The following MAMLD1 variants were observed in gnomAD, a reference collection of about 807,000 sequenced individuals.
MAMLD1 encodes mastermind like domain containing 1.
Under a neutral mutation model 45.0 loss-of-function variants are expected in MAMLD1, and 14 were observed. The ratio of observed to expected loss-of-function variants is 0.31; its 90% CI spans 0.21 to 0.49. The LOEUF (loss-of-function observed/expected upper bound fraction) is 0.49, where lower values mean the gene tolerates loss of function less well. Among genes scored for constraint, MAMLD1 ranks in the 20% least tolerant of loss-of-function variants. MAMLD1 has a pLI of 0.99. For synonymous variants in MAMLD1, 254 were observed against 247.8 expected (o/e 1.02, Z -0.24); for missense variants, 543 against 603.6 (o/e 0.90, Z 1.05).
At chrX:150,478,120 C>G (rs144796709) in intron 5 of MAMLD1, among the ~76,000 whole-genome samples, 1 of 112,346 alleles carries the variant, frequency 8.9e-6, no homozygotes, top group East Asian at 2.8e-4. Context: ...CCTTTAATTA[C>G]TGCTGTCTCA....
At chrX:150,399,633 G>C (rs1029522045) in intron 1 of MAMLD1, among the ~76,000 whole-genome samples, 4 of 111,289 alleles carry the variant, frequency 3.6e-5, no homozygotes, top group African/African-American at 1.3e-4. Context: ...GACAGAGGGA[G>C]AGATAGGAGT....
At chrX:150,416,849 CAT>C (rs1365315605) in intron 1 of MAMLD1, among the ~76,000 whole-genome samples, 1 of 112,091 alleles carries the variant, frequency 8.9e-6, no homozygotes, top group Non-Finnish European at 1.9e-5. Context: ...ATTTTCTTCA[CAT>C]GAGATGGGAT....
Position 150,512,875 on chromosome X carries a change from A to G in MAMLD1, c.*916A>G, listed in dbSNP as rs1557409293. 8.7e-7 allele frequency: 1 copy of G among 1,155,234 alleles called. No homozygotes were observed. The highest frequency in any genetic ancestry group is 1.1e-6 in the Non-Finnish European group (1 of 872,498). ...TTTTGCGCCAGCCCCAACCCCCACT[A>G]AATGATCTGATTTCGTCACCTGACT... On this transcript the variant is annotated 3_prime_UTR_variant, in exon 8 of 8. Transcript: ENST00000370401.
intron 1 of MAMLD1, among the ~76,000 whole-genome samples, chrX:150,403,876 A>G (rs187797706): frequency 0.011 from 910 of 85,578 alleles, 13 homozygotes; most frequent in Non-Finnish European, 0.019. Flanking sequence ...AGAAGAAAGA[A>G]AGGAAAGAAA....
At chrX:150,501,696 C>T (rs2037558976) in intron 5 of MAMLD1, among the ~76,000 whole-genome samples, 1 of 112,554 alleles carries the variant, frequency 8.9e-6, no homozygotes, top group South Asian at 3.7e-4. Context: ...TCTTCTTATT[C>T]CCATTTTTAA....
chrX:150,468,185 T>C (rs1602921349), intron 3 of MAMLD1, among the ~76,000 whole-genome samples: 2 of 111,798 alleles, frequency 1.8e-5, no homozygotes, highest in Non-Finnish European at 3.8e-5. Flanking sequence ...GGAATGTGGA[T>C]GTTTCTAAGT....
intron 1 of MAMLD1, among the ~76,000 whole-genome samples, chrX:150,403,993 A>G (rs1047473197): frequency 2.1e-5 from 2 of 94,738 alleles, no homozygotes; most frequent in African/African-American, 8.1e-5. Context: ...AGAAAGAAAG[A>G]AAGAAGAAAG....
At chrX:150,483,736 G>A (rs2036895539) in intron 5 of MAMLD1, among the ~76,000 whole-genome samples, 1 of 110,718 alleles carries the variant, frequency 9.0e-6, no homozygotes, top group Non-Finnish European at 1.9e-5. Flanking sequence ...ACCGCCAGTG[G>A]TAATTTGTCC....
At chrX:150,496,012 C>G (rs1603014889) in intron 5 of MAMLD1, among the ~76,000 whole-genome samples, 1 of 109,124 alleles carries the variant, frequency 9.2e-6, no homozygotes, top group Admixed American at 1.0e-4. Context: ...AAACAAAACA[C>G]AAACTCTTAC....
intron 5 of MAMLD1, among the ~76,000 whole-genome samples, chrX:150,499,871 C>A (rs2037499509): frequency 1.8e-5 from 2 of 111,292 alleles, no homozygotes; most frequent in South Asian, 7.5e-4. Flanking sequence ...ATAAACCCAC[C>A]AGCATTGAAA....
At chrX:150,473,908 T>C in intron 5 of MAMLD1, 106 bp downstream of exon 5, 1 of 889,491 alleles carries the variant, frequency 1.1e-6, no homozygotes, top group Non-Finnish European at 1.6e-6. Context: ...TTCTTAATTA[T>C]TGGGGTCATG....
At chrX:150,456,861 G>A (rs1445658973) in intron 2 of MAMLD1, among the ~76,000 whole-genome samples, 1 of 112,572 alleles carries the variant, frequency 8.9e-6, no homozygotes, top group East Asian at 2.8e-4. Flanking sequence ...AGGCAGAAGA[G>A]TGGGTGCAGC....
At chrX:150,428,965 G>A (rs1557403919) in intron 1 of MAMLD1, among the ~76,000 whole-genome samples, 1 of 111,730 alleles carries the variant, frequency 9.0e-6, no homozygotes, top group African/African-American at 3.3e-5. Flanking sequence ...GTCTTTGAAA[G>A]CCAAAGCAGC....
intron 5 of MAMLD1, 83 bp downstream of exon 5, chrX:150,473,885 C>T (rs1321413531): frequency 8.3e-5 from 84 of 1,011,564 alleles, no homozygotes; most frequent in Non-Finnish European, 1.0e-4. Context: ...GATCAGCTGG[C>T]TCAGAGGGAG....
chrX:150,467,099 G>A (rs918160656), intron 3 of MAMLD1, among the ~76,000 whole-genome samples: 1 of 107,609 alleles, frequency 9.3e-6, no homozygotes, highest in African/African-American at 3.4e-5. Flanking sequence ...CCTGACTGTT[G>A]CCAGCTCAGA....
intron 1 of MAMLD1, among the ~76,000 whole-genome samples, chrX:150,371,474 C>A (rs1375993248): frequency 9.0e-6 from 1 of 110,960 alleles, no homozygotes; most frequent in Non-Finnish European, 1.9e-5. Context: ...TCATTGGAGG[C>A]CACAGCACCT....
intron 1 of MAMLD1, among the ~76,000 whole-genome samples, chrX:150,395,922 T>C (rs1198434088): frequency 2.7e-5 from 3 of 110,623 alleles, no homozygotes; most frequent in East Asian, 2.8e-4. Context: ...CTGTTTTTAA[T>C]TTCTGCTCTA....
rs1308208247 is a variant in MAMLD1, at chrX:150,368,246, G to A, written c.-64+4716G>A. On this transcript the variant is annotated intron_variant, in intron 1 of 7. Transcript: ENST00000370401. Reference sequence around the variant, plus strand: ...GTTGTTTCCTGACTTTTTAATGATCGCCATTCTAACTGGTGTGAGATGGTA... The same window carrying A: ...GTTGTTTCCTGACTTTTTAATGATCACCATTCTAACTGGTGTGAGATGGTA... 1.4e-3 allele frequency among the ~76,000 whole-genome samples: 156 copies of A among 110,317 alleles called. 1 individual carries two copies. Among genetic ancestry groups the A allele is most frequent in the African/African-American group, 5.0e-3 (151 of 30,351 alleles).
intron 1 of MAMLD1, among the ~76,000 whole-genome samples, chrX:150,377,756 C>T (rs60170949): frequency 0.075 from 8,137 of 107,998 alleles, 269 homozygotes; most frequent in Middle Eastern, 0.11. Context: ...TGTTTAAATA[C>T]CTTTCACTTG....
Sources: allele counts gnomAD v4.1 joint callset (sites outside exome capture counted in the v4.1 genomes callset), GRCh38; gene constraint gnomAD v4.1.1; transcripts MANE v1.5; gene names NCBI Gene and HGNC (gene_info 2026-07-23, HGNC 2026-07-21).